Variants in DPH6 observed in about 807,000 individuals in gnomAD.
DPH6 encodes the protein diphthamine biosynthesis 6, also known as diphthine--ammonia ligase.
In DPH6, 33 loss-of-function variants were observed where a neutral mutation model predicts 38.2. That is an observed-to-expected ratio of 0.86 (90% CI 0.65 to 1.15). DPH6 has a LOEUF of 1.15. Among genes scored for constraint, DPH6 ranks in the 50% most tolerant of loss-of-function variants. The pLI is 0.00. For missense variants in DPH6, 325 were observed against 320.0 expected, an observed-to-expected ratio of 1.02 and a Z score of -0.12; for synonymous variants, 108 against 103.0, an observed-to-expected ratio of 1.05 and a Z score of -0.30.
intron 3 of DPH6, among the ~76,000 whole-genome samples, chr15:35,311,829 T>G (rs2052144019): frequency 6.6e-6 from 1 of 152,122 alleles, no homozygotes. Context: ...GATATCCAAA[T>G]TGAGACCGGA....
intron 7 of DPH6, among the ~76,000 whole-genome samples, chr15:35,378,799 G>C (rs1325191173): frequency 6.6e-6 from 1 of 151,514 alleles, no homozygotes; most frequent in Admixed American, 6.6e-5. Flanking sequence ...CACAGGGAGG[G>C]GAACATCATG....
At chr15:35,369,897 A>G (rs1424050698), downstream of DPH6, among the ~76,000 whole-genome samples, 1 of 151,826 alleles carries the variant, frequency 6.6e-6, no homozygotes, top group East Asian at 1.9e-4. Flanking sequence ...CAAGAGACAA[A>G]AAACCCAAAA....
intron 3 of DPH6, among the ~76,000 whole-genome samples, chr15:35,245,125 C>T (rs1366772107): frequency 4.0e-5 from 6 of 150,886 alleles, no homozygotes; most frequent in Non-Finnish European, 7.4e-5. Context: ...ACAATTTATA[C>T]AAGAATCTAT....
chr15:35,226,058 G>A (rs894505611), intron 3 of DPH6, among the ~76,000 whole-genome samples: 8 of 152,128 alleles, frequency 5.3e-5, no homozygotes, highest in African/African-American at 1.9e-4. Context: ...GCCATAGTGT[G>A]CGATGACAAT....
chr15:35,329,273 G>GC (rs1434581525), downstream of DPH6, among the ~76,000 whole-genome samples: 1 of 152,152 alleles, frequency 6.6e-6, no homozygotes, highest in Non-Finnish European at 1.5e-5. Flanking sequence ...ATACACAAAT[G>GC]TATCTGGTAG....
At chr15:35,174,089 C>T in the DPH6 span, among the ~76,000 whole-genome samples, 1 of 152,130 alleles carries the variant, frequency 6.6e-6, no homozygotes, top group African/African-American at 2.4e-5. Context: ...CTCTTCCTCC[C>T]TAGATAAAGG....
chr15:35,506,142 C>T (rs2054691109), intron 3 of DPH6, among the ~76,000 whole-genome samples: 1 of 152,024 alleles, frequency 6.6e-6, no homozygotes, highest in African/African-American at 2.4e-5. Context: ...ATATCTTTAT[C>T]TTATTTAGGA....
At chr15:35,492,138 GAGA>G (rs1292173101) in intron 3 of DPH6, among the ~76,000 whole-genome samples, 1 of 152,062 alleles carries the variant, frequency 6.6e-6, no homozygotes, top group East Asian at 1.9e-4. Context: ...CTGAGGGCAG[GAGA>G]AGATTTATGT....
chr15:35,356,219 T>C (rs2052558828), intron 3 of DPH6, among the ~76,000 whole-genome samples: 1 of 152,218 alleles, frequency 6.6e-6, no homozygotes, highest in African/African-American at 2.4e-5. Context: ...CTCTTTGCCA[T>C]GGGTTTGAAC....
chr15:35,390,440 C>T (rs1261252955), intron 6 of DPH6, among the ~76,000 whole-genome samples: 4 of 152,184 alleles, frequency 2.6e-5, no homozygotes, highest in South Asian at 2.1e-4. Context: ...AGAGTGTTTT[C>T]CAATTTGGTT....
chr15:35,293,739 C>T, intron 3 of DPH6, among the ~76,000 whole-genome samples: 1 of 152,174 alleles, frequency 6.6e-6, no homozygotes, highest in South Asian at 2.1e-4. Context: ...GAAGAGGATG[C>T]ACTGTAAACG....
At chr15:35,399,282 A>C (rs2053186850) in intron 6 of DPH6, among the ~76,000 whole-genome samples, 1 of 152,188 alleles carries the variant, frequency 6.6e-6, no homozygotes, top group Non-Finnish European at 1.5e-5. Context: ...AGAACAAAAA[A>C]ATAAGCTTTT....
intron 5 of DPH6, among the ~76,000 whole-genome samples, chr15:35,447,566 C>CAGG (rs1418720724): frequency 0.011 from 1,737 of 152,182 alleles, 23 homozygotes; most frequent in African/African-American, 0.04. Context: ...TAGCACTTCT[C>CAGG]CTTGGCAGAT....
chr15:35,452,547 G>C (rs1371399466), intron 4 of DPH6, among the ~76,000 whole-genome samples: 3 of 151,672 alleles, frequency 2.0e-5, no homozygotes, highest in Non-Finnish European at 4.4e-5. Flanking sequence ...ACCATGTTTG[G>C]TCATTTATTC....
At chr15:35,268,002 C>G (rs901271405) in intron 3 of DPH6, among the ~76,000 whole-genome samples, 1 of 151,936 alleles carries the variant, frequency 6.6e-6, no homozygotes, top group Non-Finnish European at 1.5e-5. Flanking sequence ...AACCCTGTCT[C>G]TACTAAAAAT....
chr15:35,496,847 C>T (rs1432747177), intron 3 of DPH6, among the ~76,000 whole-genome samples: 2 of 151,852 alleles, frequency 1.3e-5, no homozygotes, highest in African/African-American at 2.4e-5. Context: ...GCAACACTGG[C>T]TTTCTCTCAG....
At chr15:35,149,936 G>A in the DPH6 span, among the ~76,000 whole-genome samples, 187 of 152,276 alleles carry the variant, frequency 1.2e-3, no homozygotes, top group Non-Finnish European at 2.4e-3. Flanking sequence ...GACAGTGAGT[G>A]CAGAAATATT....
intron 3 of DPH6, among the ~76,000 whole-genome samples, chr15:35,317,420 G>C (rs931321327): frequency 6.7e-6 from 1 of 149,936 alleles, no homozygotes; most frequent in African/African-American, 2.5e-5. Context: ...GAAAGAAAGA[G>C]GAGGGAGGGA....
intron 6 of DPH6, among the ~76,000 whole-genome samples, chr15:35,396,007 G>C (rs561061960): frequency 6.6e-6 from 1 of 151,944 alleles, no homozygotes; most frequent in Admixed American, 6.6e-5. Flanking sequence ...GGTCATATTG[G>C]AATAGCCACT....
Sources: gnomAD v4.1 joint callset for allele counts (sites outside exome capture counted in the v4.1 genomes callset) on GRCh38, gnomAD v4.1.1 for gene constraint, MANE v1.5 for transcripts, NCBI Gene and HGNC (gene_info 2026-07-23, HGNC 2026-07-21) for gene names.